POLR1A: variants seen among roughly 807,000 people sequenced by gnomAD.
The protein encoded by POLR1A is RNA polymerase I subunit A.
POLR1A carries 84 observed loss-of-function variants against 205.3 expected under a neutral mutation model. The ratio of observed to expected loss-of-function variants is 0.41; its 90% CI spans 0.34 to 0.49. The LOEUF (loss-of-function observed/expected upper bound fraction) is 0.49. Among genes scored for constraint, POLR1A ranks in the 20% least tolerant of loss-of-function variants. POLR1A has a pLI of 0.22. For missense variants in POLR1A, 1,645 were observed against 2,204.5 expected (o/e 0.75, Z 5.08); for synonymous variants, 799 against 863.7 (o/e 0.93, Z 1.31).
rs776118071 is a variant in POLR1A at position 86,098,650 on chromosome 2, G to A, written c.393C>T (p.Ala131=). ...LCQLRVLEVG[A]LQAVYELERI... ...TCTCAAGCTCGTAGACTGCTTGTAGGGCCCCGACTTCCAGAACCCTCAGCT... is the reference window on the plus strand; with the variant it reads ...TCTCAAGCTCGTAGACTGCTTGTAGAGCCCCGACTTCCAGAACCCTCAGCT... The change falls in exon 3 of 34, where the codon GCC becomes GCT. Residue 131 remains alanine, a synonymous_variant. Coordinates refer to ENST00000263857, the MANE Select transcript of POLR1A (RefSeq NM_015425.6). 6.2e-6 allele frequency: 10 copies of A among 1,613,494 alleles called. No individual in the cohort carries two copies. The East Asian group carries it at 2.0e-4, about 32-fold the overall frequency.
rs547296824 is a variant in POLR1A at position 86,062,756 on chromosome 2, A to G, written c.2058+2518T>C. 5.9e-5 allele frequency among the ~76,000 whole-genome samples: 9 copies of G among 152,252 alleles called. No homozygotes were observed. In the East Asian group the frequency reaches 1.3e-3, roughly 23 times the overall value. ...AAAAATAAAGTCAATAAAACCAAAG[A>G]CTTTTTTTTGAGAATAAAACTGATA... On this transcript the variant is annotated intron_variant, in intron 14 of 33. Coordinates refer to ENST00000263857, the MANE Select transcript of POLR1A (RefSeq NM_015425.6).
intron 26 of POLR1A, 155 bp from the exon 27 acceptor site, chr2:86,039,012 C>T: frequency 1.4e-6 from 1 of 715,012 alleles, no homozygotes; most frequent in Non-Finnish European, 2.3e-6. Context: ...TGGTGTGGAT[C>T]TGCTGGGGGG....
chr2:86,064,644 C>T (rs1673055092), intron 14 of POLR1A, among the ~76,000 whole-genome samples: 2 of 152,118 alleles, frequency 1.3e-5, no homozygotes, highest in South Asian at 4.1e-4. Context: ...TATGGAACTT[C>T]CCAACAAATA....
At position 86,080,900 on chromosome 2, in the gene POLR1A, A is replaced by G; in HGVS notation, c.1002T>C (p.Asp334=). The part of the protein sequence containing the change: ...QTVNLQAVMK[D]VVLIRKLLAL... ...CCAGAAGTTTTCGAATCAGAACTAC[A>G]TCCTTCATGACAGCCTGCAAGTTCA... is the stretch of plus-strand genomic sequence containing the variant. Residue 334 remains aspartate, a synonymous_variant, in exon 9 of 34, where the codon GAT becomes GAC. Transcript: ENST00000263857. 6.2e-7 allele frequency: 1 copy of G among 1,614,130 alleles called. No individual in the cohort carries two copies. The highest frequency in any genetic ancestry group is 8.5e-7 in the Non-Finnish European group (1 of 1,179,994).
intron 29 of POLR1A, 109 bp downstream of exon 29, chr2:86,032,163 T>C (rs1672409965): frequency 2.6e-6 from 2 of 766,702 alleles, no homozygotes; most frequent in Non-Finnish European, 4.7e-6. Context: ...GGGTTCCTTG[T>C]GGGTTCATGA....
intron 1 of POLR1A, among the ~76,000 whole-genome samples, chr2:86,104,447 G>GT (rs60028748): frequency 0.097 from 11,087 of 114,168 alleles, 921 homozygotes; most frequent in East Asian, 0.25. Context: ...GCCGTGTTGA[G>GT]TTTTTTTTTT....
rs754338408 is a variant in POLR1A, at chr2:86,078,161, T to C, written c.1210A>G (p.Ser404Gly). Reference protein sequence around the residue: ...LQSHVNIVFDSEMDKLMMDKY... With the variant: ...LQSHVNIVFDGEMDKLMMDKY... ...TCCATCATTAGTTTGTCCATCTCGCTATCAAACACAATATTGACGTGGCTC... is the reference window on the plus strand; with the variant it reads ...TCCATCATTAGTTTGTCCATCTCGCCATCAAACACAATATTGACGTGGCTC... Residue 404 changes from serine to glycine, a missense_variant, in exon 10 of 34, where the codon AGC becomes GGC. Ser to Gly is a moderately conservative substitution (Grantham distance 56). Transcript: ENST00000263857. 5 of 1,612,688 alleles carry C rather than the reference T, an allele frequency of 3.1e-6. No individual in the cohort carries two copies. In the Admixed American group the frequency reaches 5.0e-5, roughly 16 times the overall value.
At chr2:86,031,674 C>T (rs1276408114) in intron 29 of POLR1A, 39 bp from the exon 30 acceptor site, 1 of 1,577,566 alleles carries the variant, frequency 6.3e-7, no homozygotes, top group Non-Finnish European at 8.6e-7. Context: ...CACTTGGGGA[C>T]CCACCATCTA....
chr2:86,097,736 G>C (rs1360525538), intron 3 of POLR1A, among the ~76,000 whole-genome samples: 1 of 152,168 alleles, frequency 6.6e-6, no homozygotes, highest in East Asian at 1.9e-4. Flanking sequence ...TAGAGGCTGA[G>C]TAGGGTAGGG....
chr2:86,088,892 G>C (rs1409767378), intron 4 of POLR1A, 22 bp from the exon 5 acceptor site: 12 of 1,507,228 alleles, frequency 8.0e-6, no homozygotes, highest in Non-Finnish European at 1.0e-5. Context: ...AAAAAAGTCA[G>C]AGAACCTTGG....
intron 27 of POLR1A, among the ~76,000 whole-genome samples, chr2:86,036,222 T>C (rs1344649473): frequency 6.6e-6 from 1 of 152,228 alleles, no homozygotes; most frequent in African/African-American, 2.4e-5. Flanking sequence ...GACTGTCAGC[T>C]GGGTCTTTTC....
chr2:86,071,142 GA>G lies in POLR1A; in HGVS notation c.1612-871del, dbSNP rs1178800379. 8.9e-4 allele frequency among the ~76,000 whole-genome samples: 88 copies of G among 99,004 alleles called. 1 individual carries two copies. The highest frequency in any genetic ancestry group is 3.0e-3 in the African/African-American group (83 of 27,394). The allele number at this position is 99,004 out of a possible 152,430, so 65.0% of individuals were successfully genotyped here. A position where few individuals can be genotyped will look rare whatever the true frequency, so the allele number is the denominator to read the frequency against. ...GATAGCAATAATGTATTACAGCAAA[GA>G]AAAAAAAAACCCAGGTGGCATGTGA... On this transcript the variant is annotated intron_variant, in intron 12 of 33. Coordinates refer to ENST00000263857, the MANE Select transcript of POLR1A (RefSeq NM_015425.6).
chr2:86,081,543 A>C, intron 8 of POLR1A, 58 bp downstream of exon 8: 1 of 1,127,868 alleles, frequency 8.9e-7, no homozygotes, highest in Non-Finnish European at 1.3e-6. Flanking sequence ...TAGAGGTCAC[A>C]TTTCAGTTCC....
In POLR1A at chr2:86,024,766, T is replaced by C. The variant is rs915770090; in HGVS notation, c.*2657A>G. 19 of 152,126 alleles carry C rather than the reference T, an allele frequency of 1.2e-4. No homozygotes were observed. The highest frequency in any genetic ancestry group is 4.6e-4 in the African/African-American group (19 of 41,428). 9.4% of individuals were successfully genotyped at this position (152,126 alleles called of 1,614,324 possible). A position where few individuals can be genotyped will look rare whatever the true frequency, so the allele number is the denominator to read the frequency against. On this transcript the variant is annotated 3_prime_UTR_variant, in exon 34 of 34. Transcript: ENST00000263857. The stretch of plus-strand genomic sequence containing the variant: ...ACTGTTAGAAGCAAGCAAGTAGGTA[T>C]GGATATCACCCCAAAGGGCAAGGTG...
intron 3 of POLR1A, among the ~76,000 whole-genome samples, chr2:86,096,138 C>T (rs886108968): frequency 2.0e-5 from 3 of 152,008 alleles, no homozygotes; most frequent in African/African-American, 7.3e-5. Flanking sequence ...CTTTTATACA[C>T]AAACAATGAA....
intron 29 of POLR1A, among the ~76,000 whole-genome samples, chr2:86,032,010 C>T (rs942934441): frequency 6.6e-6 from 1 of 152,184 alleles, no homozygotes; most frequent in African/African-American, 2.4e-5. Context: ...TGCCAGAAGC[C>T]TGTCTGGATC....
intron 18 of POLR1A, among the ~76,000 whole-genome samples, chr2:86,048,010 G>A (rs72934506): frequency 3.9e-5 from 6 of 152,140 alleles, no homozygotes; most frequent in Non-Finnish European, 5.9e-5. Context: ...CTGGTTCTCA[G>A]GGAGGTGCTA....
chr2:86,030,472 C>A, intron 30 of POLR1A, 76 bp from the exon 31 acceptor site: 1 of 1,095,874 alleles, frequency 9.1e-7, no homozygotes, highest in Middle Eastern at 2.9e-4. Flanking sequence ...GAGACTCCTT[C>A]AAAACCTTTT....
chr2:86,038,036 G>A (rs1573804231), intron 27 of POLR1A, among the ~76,000 whole-genome samples: 2 of 152,264 alleles, frequency 1.3e-5, no homozygotes, highest in African/African-American at 2.4e-5. Context: ...AAAATGCTTC[G>A]TGGGCTCTTC....
Sources: allele counts gnomAD v4.1 joint callset (sites outside exome capture counted in the v4.1 genomes callset), GRCh38; gene constraint gnomAD v4.1.1; transcripts MANE v1.5; gene names NCBI Gene and HGNC (gene_info 2026-07-23, HGNC 2026-07-21).